Variants in VPS13B observed in about 807,000 individuals in gnomAD.
The protein encoded by VPS13B is vacuolar protein sorting 13 homolog B, also known as intermembrane lipid transfer protein VPS13B.
A neutral mutation model predicts 426.4 loss-of-function variants in VPS13B; 285 were observed. The ratio of observed to expected loss-of-function variants is 0.67; its 90% CI spans 0.61 to 0.74. The LOEUF (loss-of-function observed/expected upper bound fraction) is 0.74, where lower values mean the gene tolerates loss of function less well. Ranked by LOEUF, VPS13B falls within the 30% of genes least tolerant of loss-of-function variation. The pLI is 0.00. For synonymous variants in VPS13B, 1,676 were observed against 1,676.4 expected (o/e 1.00, Z 0.01); for missense variants, 4,537 against 4,782.6 (o/e 0.95, Z 1.51).
intron 3 of VPS13B, among the ~76,000 whole-genome samples, chr8:99,095,165 T>C (rs1415160485): frequency 1.3e-5 from 2 of 152,168 alleles, no homozygotes; most frequent in Non-Finnish European, 2.9e-5. Flanking sequence ...AAATCACCTT[T>C]CTAATAGGTT....
chr8:99,876,103 A>ACTCT lies in VPS13B; in HGVS notation c.*440_*443dup, dbSNP rs1554591031. 2.5e-4 allele frequency: 47 copies of ACTCT among 185,426 alleles called. No homozygotes were observed. Among genetic ancestry groups the ACTCT allele is most frequent in the Middle Eastern group, 2.4e-3 (1 of 422 alleles). 11.5% of individuals were successfully genotyped at this position (185,426 alleles called of 1,614,324 possible). ...TGTAATTAATTTGGGTCTATTATTA[A>ACTCT]CTCTCTGTTCCATCATAGAATGTGG... On this transcript the variant is annotated 3_prime_UTR_variant, in exon 62 of 62. Coordinates refer to ENST00000357162, the MANE Select transcript of VPS13B (RefSeq NM_152564.5).
chr8:99,142,732 G>T lies in VPS13B; in HGVS notation c.1652-242G>T, dbSNP rs528809521. Among the ~76,000 whole-genome samples the T allele has an allele frequency of 2.6e-4, 40 of 152,148 alleles. 1 individual carries two copies. The East Asian group carries it at 6.0e-3, about 23-fold the overall frequency. On this transcript the variant is annotated intron_variant, in intron 12 of 61. Coordinates refer to ENST00000357162, the MANE Select transcript of VPS13B (RefSeq NM_152564.5). ...ATAATTTTCTAAGAATGACAATTTT[G>T]ATTTTATATTGCTTGTTATAATATT...
intron 21 of VPS13B, among the ~76,000 whole-genome samples, chr8:99,409,472 A>G (rs1815504369): frequency 6.6e-6 from 1 of 152,156 alleles, no homozygotes; most frequent in African/African-American, 2.4e-5. Context: ...CCCAGCCTGA[A>G]ACAAGTTTGA....
intron 21 of VPS13B, among the ~76,000 whole-genome samples, chr8:99,416,460 C>T (rs530033169): frequency 6.6e-6 from 1 of 151,948 alleles, no homozygotes; most frequent in South Asian, 2.1e-4. Flanking sequence ...ACACCACTGG[C>T]ATATGAAAAA....
intron 44 of VPS13B, among the ~76,000 whole-genome samples, chr8:99,815,843 T>C (rs1358852125): frequency 6.6e-6 from 1 of 152,162 alleles, no homozygotes; most frequent in Non-Finnish European, 1.5e-5. Flanking sequence ...ATTTGTTGTT[T>C]TTTGTAGAAA....
intron 56 of VPS13B, among the ~76,000 whole-genome samples, chr8:99,854,896 C>T (rs906060614): frequency 6.6e-6 from 1 of 152,142 alleles, no homozygotes; most frequent in African/African-American, 2.4e-5. Context: ...GACCTGAGCT[C>T]AAAGAGAAGG....
chr8:99,582,804 C>A (rs998191232), intron 33 of VPS13B, among the ~76,000 whole-genome samples: 1 of 152,038 alleles, frequency 6.6e-6, no homozygotes, highest in Non-Finnish European at 1.5e-5. Flanking sequence ...TAGAGGCGCC[C>A]GCCACCACGC....
intron 16 of VPS13B, among the ~76,000 whole-genome samples, chr8:99,186,179 C>T (rs747773466): frequency 6.6e-6 from 1 of 152,016 alleles, no homozygotes; most frequent in Admixed American, 6.5e-5. Flanking sequence ...ATTTTATATT[C>T]AACAGCTTAA....
chr8:99,096,279 G>A (rs751600906), intron 3 of VPS13B, 33 bp from the exon 4 acceptor site: 2 of 1,612,126 alleles, frequency 1.2e-6, no homozygotes, highest in South Asian at 2.2e-5. Context: ...TATGATCGAT[G>A]GTTTTCTTTT....
At chr8:99,573,540 C>G (rs932892832) in intron 31 of VPS13B, among the ~76,000 whole-genome samples, 2 of 152,100 alleles carry the variant, frequency 1.3e-5, no homozygotes, top group Admixed American at 1.3e-4. Context: ...TTCCCAGCAC[C>G]ATTTATTAAA....
In VPS13B at chr8:99,275,027, C is replaced by CAAATTTAAAA; in HGVS notation, c.2651-54_2651-53insAAATTTAAAA. ...TTAGTATATTTTAAAATCAAACATT[C>CAAATTTAAAA]TCAAGTGACTCATGTTTTATTTTTA... On this transcript the variant is annotated intron_variant, in intron 18 of 61. Transcript: ENST00000357162. 2.1e-4 allele frequency: 307 copies of CAAATTTAAAA among 1,443,728 alleles called. 1 individual carries two copies. In the African/African-American group the frequency reaches 4.1e-3, roughly 19 times the overall value. The allele number at this position is 1,443,728 out of a possible 1,614,324, so 89.4% of individuals were successfully genotyped here. A position where few individuals can be genotyped will look rare whatever the true frequency, so the allele number is the denominator to read the frequency against.
At chr8:99,172,774 A>G (rs1046170589) in intron 16 of VPS13B, among the ~76,000 whole-genome samples, 3 of 152,116 alleles carry the variant, frequency 2.0e-5, no homozygotes, top group African/African-American at 7.2e-5. Context: ...AAAATGATGG[A>G]TATTAACATT....
At chr8:99,853,312 G>T in intron 55 of VPS13B, 139 bp from the exon 56 acceptor site, 1 of 845,560 alleles carries the variant, frequency 1.2e-6, no homozygotes, top group Middle Eastern at 3.3e-4. Context: ...TGTACTGAAA[G>T]TTGAGTTCTT....
intron 33 of VPS13B, among the ~76,000 whole-genome samples, chr8:99,640,058 AAAG>A (rs1563838962): frequency 1.5e-5 from 1 of 68,434 alleles, no homozygotes. Context: ...AGAGAAAAGA[AAAG>A]AAAAGAAAAG....
intron 35 of VPS13B, among the ~76,000 whole-genome samples, chr8:99,678,399 C>G (rs971323691): frequency 6.6e-6 from 1 of 152,090 alleles, no homozygotes; most frequent in African/African-American, 2.4e-5. Flanking sequence ...CTCAATAATG[C>G]TGTCTTCTAT....
At chr8:99,730,878 C>A (rs955152043) in intron 39 of VPS13B, among the ~76,000 whole-genome samples, 3 of 151,952 alleles carry the variant, frequency 2.0e-5, no homozygotes, top group Non-Finnish European at 4.4e-5. Context: ...CTGTGACATG[C>A]CACGAAAAAG....
chr8:99,241,976 G>A (rs1313447479), intron 17 of VPS13B, among the ~76,000 whole-genome samples: 2 of 151,906 alleles, frequency 1.3e-5, no homozygotes, highest in African/African-American at 2.4e-5. Flanking sequence ...ATATATAATT[G>A]GTTTCTTTTT....
At position 99,823,987 on chromosome 8, in the gene VPS13B, A is replaced by G. The variant is rs184381851; in HGVS notation, c.9330+9A>G. On this transcript the variant is annotated intron_variant, in intron 51 of 61. Coordinates refer to ENST00000357162, the MANE Select transcript of VPS13B (RefSeq NM_152564.5). ...CCCATTCTGGAAAGGAGGTAAGCAA[A>G]TCATAACGATTCTTTTGTCTAAGTT... The G allele has an allele frequency of 4.5e-4, 717 of 1,611,106 alleles. 6 individuals are homozygous for G. The African/African-American group carries it at 8.6e-3, about 19-fold the overall frequency.
intron 39 of VPS13B, among the ~76,000 whole-genome samples, chr8:99,749,924 A>G (rs1436236044): frequency 6.6e-6 from 1 of 152,100 alleles, no homozygotes; most frequent in African/African-American, 2.4e-5. Flanking sequence ...TCTTTTGGAT[A>G]AATCCAAGTA....
Sources: gnomAD v4.1 joint callset for allele counts (sites outside exome capture counted in the v4.1 genomes callset) on GRCh38, gnomAD v4.1.1 for gene constraint, MANE v1.5 for transcripts, NCBI Gene and HGNC (gene_info 2026-07-23, HGNC 2026-07-21) for gene names.